KAZN: variants seen among roughly 807,000 people sequenced by gnomAD.
KAZN encodes the protein kazrin.
In KAZN, 40 loss-of-function variants were observed where a neutral mutation model predicts 87.4. The ratio of observed to expected loss-of-function variants is 0.46; its 90% CI spans 0.36 to 0.60. The LOEUF is 0.60. KAZN is among the 20% of genes least tolerant of loss of function. The pLI is 0.00. For missense variants in KAZN, 898 were observed against 1,073.9 expected, an observed-to-expected ratio of 0.84 and a Z score of 2.29; for synonymous variants, 466 against 458.3, an observed-to-expected ratio of 1.02 and a Z score of -0.22.
intron 1 of KAZN, among the ~76,000 whole-genome samples, chr1:14,909,074 A>G (rs1357015347): frequency 1.3e-5 from 2 of 152,192 alleles, no homozygotes; most frequent in African/African-American, 4.8e-5. Flanking sequence ...GTCCTCGGGA[A>G]CATTAAAAGG....
At chr1:15,006,511 C>G (rs11801801) in intron 2 of KAZN, among the ~76,000 whole-genome samples, 2,506 of 152,344 alleles carry the variant, frequency 0.016, 71 homozygotes, top group African/African-American at 0.057. Context: ...TTTATCCCAT[C>G]CACAGGGCTG....
intron 1 of KAZN, among the ~76,000 whole-genome samples, chr1:14,656,223 A>C (rs1216897201): frequency 6.6e-6 from 1 of 152,194 alleles, no homozygotes; most frequent in Non-Finnish European, 1.5e-5. Flanking sequence ...TATTGCTGTC[A>C]GATGCATTTG....
chr1:14,750,026 G>A (rs922176628), intron 1 of KAZN, among the ~76,000 whole-genome samples: 3 of 152,044 alleles, frequency 2.0e-5, no homozygotes, highest in Non-Finnish European at 4.4e-5. Flanking sequence ...AAAAGGTGGG[G>A]GGTGCATGCA....
intron 1 of KAZN, among the ~76,000 whole-genome samples, chr1:14,099,071 G>C (rs1167623264): frequency 6.6e-6 from 1 of 152,170 alleles, no homozygotes; most frequent in East Asian, 1.9e-4. Flanking sequence ...GTTCTACTTA[G>C]TTTGATTGGG....
At chr1:14,685,505 T>C (rs183486232) in intron 1 of KAZN, among the ~76,000 whole-genome samples, 98 of 152,362 alleles carry the variant, frequency 6.4e-4, no homozygotes, top group Admixed American at 3.7e-3. Flanking sequence ...GGATTGGCAG[T>C]GTCTTCTACA....
chr1:14,604,467 G>T (rs578194015), intron 1 of KAZN, among the ~76,000 whole-genome samples: 1 of 152,114 alleles, frequency 6.6e-6, no homozygotes, highest in African/African-American at 2.4e-5. Flanking sequence ...GGAAAGGAAC[G>T]CCTTCTTCCT....
At chr1:14,193,447 C>A (rs1275232779) in intron 2 of KAZN, among the ~76,000 whole-genome samples, 1 of 152,168 alleles carries the variant, frequency 6.6e-6, no homozygotes, top group East Asian at 1.9e-4. Flanking sequence ...CTACCAGAAG[C>A]TGGGAGAGTG....
At chr1:14,368,802 C>T (rs1660222409) in intron 2 of KAZN, among the ~76,000 whole-genome samples, 1 of 152,204 alleles carries the variant, frequency 6.6e-6, no homozygotes, top group South Asian at 2.1e-4. Context: ...CAGCCCTTTA[C>T]TTGTTAAACA....
At chr1:13,958,532 C>A (rs1378132209) in intron 1 of KAZN, among the ~76,000 whole-genome samples, 7 of 150,542 alleles carry the variant, frequency 4.6e-5, no homozygotes, top group Non-Finnish European at 1.0e-4. Flanking sequence ...CGAGATTGCG[C>A]CACTGCACTC....
At position 14,425,868 on chromosome 1, in the gene KAZN, A is replaced by G. The variant is rs547011140; in HGVS notation, c.250-173115A>G. On this transcript the variant is annotated intron_variant, in intron 2 of 16. Transcript: ENST00000636203. ...GGGGTGGAAATGAGATTTGAGTCCA[A>G]GTTTGTCTGATTCGAGAGCCCAGGT... Among the ~76,000 whole-genome samples, 73 of 152,288 alleles carry G rather than the reference A, an allele frequency of 4.8e-4. 1 individual carries two copies. The Middle Eastern group carries it at 0.014, about 28-fold the overall frequency.
At chr1:14,449,896 A>C (rs6658744) in intron 2 of KAZN, among the ~76,000 whole-genome samples, 40,991 of 152,046 alleles carry the variant, frequency 0.27, 6,498 homozygotes, top group Middle Eastern at 0.44. Context: ...TCTGACTCTA[A>C]GTTTGAGAAA....
chr1:14,413,087 TATATA>T (rs1449629387), intron 2 of KAZN, among the ~76,000 whole-genome samples: 14 of 149,886 alleles, frequency 9.3e-5, no homozygotes, highest in South Asian at 2.1e-4. Flanking sequence ...CATTTGTTTA[TATATA>T]ATATATTACA....
chr1:14,817,322 A>G (rs1356119171), intron 1 of KAZN, among the ~76,000 whole-genome samples: 1 of 152,226 alleles, frequency 6.6e-6, no homozygotes, highest in Non-Finnish European at 1.5e-5. Flanking sequence ...TTCCTGGCCC[A>G]TAGTGTGCCC....
intron 1 of KAZN, among the ~76,000 whole-genome samples, chr1:14,799,373 C>G (rs961877440): frequency 2.0e-5 from 3 of 152,152 alleles, no homozygotes; most frequent in Non-Finnish European, 4.4e-5. Flanking sequence ...TTTGGGACAC[C>G]TGTGGGAATG....
chr1:14,390,363 A>G lies in KAZN; in HGVS notation c.250-208620A>G, dbSNP rs941877130. ...TGTAAACTTCGAAGAAAATATAAGT[A>G]CCTCCTTGGAAAGGGCGAAATCATG... On this transcript the variant is annotated intron_variant, in intron 2 of 16. Transcript: ENST00000636203. Among the ~76,000 whole-genome samples the G allele has an allele frequency of 7.9e-5, 12 of 152,250 alleles. No homozygotes were observed. In the South Asian group the frequency reaches 2.3e-3, roughly 29 times the overall value.
chr1:14,829,581 A>G (rs1646996642), intron 1 of KAZN, among the ~76,000 whole-genome samples: 1 of 152,204 alleles, frequency 6.6e-6, no homozygotes, highest in East Asian at 1.9e-4. Flanking sequence ...GAAAAAAAGA[A>G]AAGAGTAACA....
intron 1 of KAZN, among the ~76,000 whole-genome samples, chr1:13,927,684 A>G (rs927576820): frequency 1.5e-4 from 23 of 151,768 alleles, no homozygotes; most frequent in Non-Finnish European, 2.9e-4. Context: ...AGGATGGAGA[A>G]GTTTCCTGCC....
At chr1:14,228,527 A>G (rs1305419705) in intron 2 of KAZN, among the ~76,000 whole-genome samples, 1 of 152,210 alleles carries the variant, frequency 6.6e-6, no homozygotes, top group South Asian at 2.1e-4. Flanking sequence ...GAGAAGGGCC[A>G]TGGGCAGGTG....
At chr1:13,916,704 C>T (rs1639865310) in intron 1 of KAZN, among the ~76,000 whole-genome samples, 2 of 152,126 alleles carry the variant, frequency 1.3e-5, no homozygotes, top group South Asian at 4.2e-4. Context: ...GTTCAAGAGA[C>T]CCTTCCTTCC....
Sources: allele counts gnomAD v4.1 joint callset (sites outside exome capture counted in the v4.1 genomes callset), GRCh38; gene constraint gnomAD v4.1.1; transcripts MANE v1.5; gene names NCBI Gene and HGNC (gene_info 2026-07-23, HGNC 2026-07-21).